Variants in PTK2 observed in about 807,000 individuals in gnomAD.
PTK2 encodes the protein protein tyrosine kinase 2.
In PTK2, 45 loss-of-function variants were observed where a neutral mutation model predicts 150.1. The ratio of observed to expected loss-of-function variants is 0.30; its 90% CI spans 0.24 to 0.38. The LOEUF (loss-of-function observed/expected upper bound fraction) is 0.38, where lower values mean the gene tolerates loss of function less well. Ranked by LOEUF, PTK2 falls within the 10% of genes least tolerant of loss-of-function variation. The pLI is 1.00. For missense variants in PTK2, 919 were observed against 1,307.3 expected, an observed-to-expected ratio of 0.70 and a Z score of 4.58; for synonymous variants, 432 against 449.2, an observed-to-expected ratio of 0.96 and a Z score of 0.48.
intron 1 of PTK2, among the ~76,000 whole-genome samples, chr8:140,976,322 T>C (rs547215355): frequency 1.3e-5 from 2 of 152,342 alleles, no homozygotes; most frequent in East Asian, 3.9e-4. Flanking sequence ...AGGAGACAGA[T>C]AAAATTTAAT....
At chr8:140,791,333 T>A (rs1251200026) in intron 13 of PTK2, among the ~76,000 whole-genome samples, 2 of 152,174 alleles carry the variant, frequency 1.3e-5, no homozygotes, top group African/African-American at 4.8e-5. Context: ...CATGCCACAT[T>A]GCCCAGCTTT....
chr8:140,734,693 G>T, intron 22 of PTK2: 1 of 513,288 alleles, frequency 1.9e-6, no homozygotes, highest in South Asian at 1.4e-5. Flanking sequence ...AAAAACAGAA[G>T]TATTCAAAAG....
chr8:140,818,810 A>T, intron 9 of PTK2, 70 bp downstream of exon 9: 1 of 1,477,200 alleles, frequency 6.8e-7, no homozygotes, highest in Non-Finnish European at 9.1e-7. Flanking sequence ...TCAGAAATTT[A>T]GATATACAGC....
chr8:140,694,747 A>G (rs974223358), intron 26 of PTK2, among the ~76,000 whole-genome samples: 3 of 152,222 alleles, frequency 2.0e-5, no homozygotes, highest in African/African-American at 7.2e-5. Context: ...ATTTTTACAC[A>G]TACACAGCAT....
chr8:140,668,446 A>AC, intron 29 of PTK2, 22 bp from the exon 34 acceptor site: 1 of 1,593,150 alleles, frequency 6.3e-7, no homozygotes, highest in Admixed American at 1.7e-5. Flanking sequence ...GAAGCCAGTC[A>AC]TTTTTCTGCT....
chr8:140,673,583 A>G (rs2100011873), intron 29 of PTK2, among the ~76,000 whole-genome samples: 1 of 152,222 alleles, frequency 6.6e-6, no homozygotes, highest in Admixed American at 6.5e-5. Context: ...AAAAGATCCC[A>G]TCTCCTTACA....
chr8:140,659,916 C>CT (rs1446459433), intron 31 of PTK2, among the ~76,000 whole-genome samples: 2 of 152,084 alleles, frequency 1.3e-5, no homozygotes, highest in Non-Finnish European at 2.9e-5. Flanking sequence ...GAGAAGAAAA[C>CT]TTTATTTCCT....
At chr8:140,761,436 T>C in intron 15 of PTK2, 174 bp from the exon 19 acceptor site, 1 of 652,828 alleles carries the variant, frequency 1.5e-6, no homozygotes, top group South Asian at 1.8e-5. Flanking sequence ...CAGGAATTCA[T>C]GTAATTAGTT....
At chr8:140,921,055 A>C in intron 2 of PTK2, 1 of 1,316,150 alleles carries the variant, frequency 7.6e-7, no homozygotes, top group Non-Finnish European at 9.7e-7. Flanking sequence ...CAAAATTTGG[A>C]AGGTGTTCCT....
intron 1 of PTK2, among the ~76,000 whole-genome samples, chr8:140,982,844 T>C (rs2100191961): frequency 6.6e-6 from 1 of 152,212 alleles, no homozygotes; most frequent in African/African-American, 2.4e-5. Flanking sequence ...TATTAAATAA[T>C]AACCATGGCT....
intron 1 of PTK2, among the ~76,000 whole-genome samples, chr8:140,969,631 G>T (rs1482506876): frequency 2.8e-4 from 43 of 152,114 alleles, no homozygotes; most frequent in Non-Finnish European, 6.3e-4. Flanking sequence ...AGTCTCTACA[G>T]CTGTTCTTCC....
intron 2 of PTK2, chr8:140,892,670 GA>G: frequency 1.2e-5 from 5 of 401,482 alleles, no homozygotes; most frequent in Non-Finnish European, 1.4e-5. Flanking sequence ...ACAGTAAAAG[GA>G]AAAAAATTAT....
intron 14 of PTK2, among the ~76,000 whole-genome samples, chr8:140,777,806 C>G (rs1442538724): frequency 6.6e-6 from 1 of 152,194 alleles, no homozygotes; most frequent in Non-Finnish European, 1.5e-5. Context: ...ACTCTTCCCT[C>G]AGATCAGGGT....
chr8:140,676,943 C>CGAA (rs2100014264), intron 27 of PTK2, among the ~76,000 whole-genome samples: 1 of 85,920 alleles, frequency 1.2e-5, no homozygotes, highest in Admixed American at 1.5e-4. Flanking sequence ...GACTCCATCT[C>CGAA]AAAAAAAAAA....
chr8:140,934,120 A>C (rs1163583366), intron 1 of PTK2, among the ~76,000 whole-genome samples: 1 of 152,236 alleles, frequency 6.6e-6, no homozygotes, highest in Non-Finnish European at 1.5e-5. Context: ...AATGAACTAT[A>C]AACATTACAG....
At chr8:140,807,858 G>A (rs1347347633) in intron 10 of PTK2, among the ~76,000 whole-genome samples, 3 of 152,154 alleles carry the variant, frequency 2.0e-5, no homozygotes, top group Non-Finnish European at 4.4e-5. Flanking sequence ...GGACAGCACT[G>A]GAGAAGTCAA....
At chr8:140,734,025 GA>G (rs2100051117) in intron 22 of PTK2, among the ~76,000 whole-genome samples, 2 of 152,170 alleles carry the variant, frequency 1.3e-5, no homozygotes, top group South Asian at 4.1e-4. Context: ...TTTCAGACTG[GA>G]TGAATCCTTT....
chr8:140,936,115 A>G (rs1411053902), intron 1 of PTK2, among the ~76,000 whole-genome samples: 2 of 152,170 alleles, frequency 1.3e-5, no homozygotes, highest in East Asian at 3.9e-4. Flanking sequence ...GAGCTATGAT[A>G]GTGCTATTGC....
At chr8:140,808,010 G>C (rs753981568) in intron 10 of PTK2, among the ~76,000 whole-genome samples, 8 of 152,272 alleles carry the variant, frequency 5.3e-5, no homozygotes, top group Middle Eastern at 3.4e-3. Context: ...AGGTTGAAGA[G>C]GGAGTGGGAA....
Sources: gnomAD v4.1 joint callset for allele counts (sites outside exome capture counted in the v4.1 genomes callset) on GRCh38, gnomAD v4.1.1 for gene constraint, MANE v1.5 for transcripts, NCBI Gene and HGNC (gene_info 2026-07-23, HGNC 2026-07-21) for gene names.